The following PALLD variants were observed in gnomAD, a reference collection of about 807,000 sequenced individuals.
The protein encoded by PALLD is palladin, cytoskeletal associated protein, also known as palladin.
Under a neutral mutation model 123.5 loss-of-function variants are expected in PALLD, and 61 were observed. That is an observed-to-expected ratio of 0.49 (90% CI 0.40 to 0.61). PALLD has a LOEUF of 0.61. Ranked by LOEUF, PALLD falls within the 20% of genes least tolerant of loss-of-function variation. The pLI is 0.00. For missense variants in PALLD, 1,273 were observed against 1,377.0 expected (o/e 0.92, Z 1.20); for synonymous variants, 465 against 496.4 (o/e 0.94, Z 0.84).
chr4:168,638,067 A>G (rs1045751368), intron 2 of PALLD, among the ~76,000 whole-genome samples: 10 of 152,096 alleles, frequency 6.6e-5, no homozygotes, highest in African/African-American at 1.9e-4. Context: ...GTAAACCACA[A>G]GGTCACAGAT....
chr4:168,501,702 T>C (rs1001571834), intron 1 of PALLD, among the ~76,000 whole-genome samples: 2 of 152,160 alleles, frequency 1.3e-5, no homozygotes, highest in Non-Finnish European at 2.9e-5. Context: ...TGAGGTGACA[T>C]GGCAGCTGCC....
chr4:168,823,961 A>G (rs1212031515), intron 10 of PALLD, among the ~76,000 whole-genome samples: 1 of 152,254 alleles, frequency 6.6e-6, no homozygotes, highest in African/African-American at 2.4e-5. Context: ...CAAACAAGGG[A>G]ACAATGACAC....
At chr4:168,725,783 C>T (rs1351243332) in intron 10 of PALLD, among the ~76,000 whole-genome samples, 1 of 152,118 alleles carries the variant, frequency 6.6e-6, no homozygotes, top group East Asian at 1.9e-4. Context: ...GCCTCGGCCT[C>T]CCAAAGTGCT....
At chr4:168,803,862 G>A (rs1739738624) in intron 10 of PALLD, among the ~76,000 whole-genome samples, 1 of 152,174 alleles carries the variant, frequency 6.6e-6, no homozygotes, top group African/African-American at 2.4e-5. Context: ...GGTGTATGAA[G>A]TGTGTTGTCA....
intron 2 of PALLD, among the ~76,000 whole-genome samples, chr4:168,656,800 C>T (rs762482708): frequency 2.0e-5 from 3 of 152,230 alleles, no homozygotes; most frequent in Admixed American, 1.3e-4. Flanking sequence ...GTCAAGGATA[C>T]GTGAGAGATT....
chr4:168,622,991 G>A (rs1356991927), intron 2 of PALLD, among the ~76,000 whole-genome samples: 1 of 152,184 alleles, frequency 6.6e-6, no homozygotes, highest in East Asian at 1.9e-4. Flanking sequence ...ATTTTCATAG[G>A]AGAGTTAAGC....
At position 168,865,885 on chromosome 4, in the gene PALLD, G is replaced by A. The variant is rs908352290; in HGVS notation, c.1965-25037G>A. ...GAAAGACCGAGAATGATTTAGTGAA[G>A]GCCACACAGAAAATTGGTGGCACAG... is the stretch of plus-strand genomic sequence containing the variant. On this transcript the variant is annotated intron_variant, in intron 10 of 21. Transcript: ENST00000505667. Among the ~76,000 whole-genome samples, 15 of 152,094 alleles carry A rather than the reference G, an allele frequency of 9.9e-5. 1 individual carries two copies. The highest frequency in any genetic ancestry group is 9.8e-4 in the Admixed American group (15 of 15,266).
intron 10 of PALLD, among the ~76,000 whole-genome samples, chr4:168,750,199 A>AC (rs201290372): frequency 0.019 from 2,923 of 151,860 alleles, 92 homozygotes; most frequent in African/African-American, 0.064. Flanking sequence ...CACCCACCTC[A>AC]CCCTCCCAAA....
chr4:168,579,341 C>A (rs1162889524), intron 2 of PALLD, among the ~76,000 whole-genome samples: 2 of 152,160 alleles, frequency 1.3e-5, no homozygotes, highest in African/African-American at 4.8e-5. Flanking sequence ...CATGCCATAA[C>A]TAATCAATGA....
intron 14 of PALLD, among the ~76,000 whole-genome samples, chr4:168,900,048 A>G (rs1285961308): frequency 6.6e-6 from 1 of 152,224 alleles, no homozygotes; most frequent in Non-Finnish European, 1.5e-5. Context: ...GGCGAAGGCG[A>G]AAAAGGTGAA....
intron 2 of PALLD, among the ~76,000 whole-genome samples, chr4:168,581,381 G>T (rs574956939): frequency 3.3e-5 from 5 of 151,838 alleles, no homozygotes; most frequent in Non-Finnish European, 7.4e-5. Context: ...AGTGTACAAG[G>T]GTTTGCTTTT....
chr4:168,650,681 T>G (rs1777951190), intron 2 of PALLD, among the ~76,000 whole-genome samples: 1 of 152,188 alleles, frequency 6.6e-6, no homozygotes, highest in Non-Finnish European at 1.5e-5. Flanking sequence ...ATTCCCACAT[T>G]GGTTATAGCA....
Position 168,616,088 on chromosome 4 carries a change from GGTT to G in PALLD, c.909-52099_909-52097del, listed in dbSNP as rs1774199624. 2.6e-5 allele frequency among the ~76,000 whole-genome samples: 4 copies of G among 151,990 alleles called. No homozygotes were observed. In the South Asian group the frequency reaches 8.3e-4, roughly 32 times the overall value. ...TCCTTTTGGCCTTGAGTTTAAACTG[GGTT>G]GTATTCAAGGAGTCAACTTTAATTT... On this transcript the variant is annotated intron_variant, in intron 2 of 21. Transcript: ENST00000505667.
chr4:168,651,911 A>G (rs531382646), intron 2 of PALLD, among the ~76,000 whole-genome samples: 1 of 152,184 alleles, frequency 6.6e-6, no homozygotes, highest in Non-Finnish European at 1.5e-5. Flanking sequence ...ATTCTGTACA[A>G]CCAACTGAGG....
At chr4:168,631,732 G>T (rs1339564911) in intron 2 of PALLD, 22 of 985,396 alleles carry the variant, frequency 2.2e-5, no homozygotes, top group Non-Finnish European at 2.7e-5. Flanking sequence ...AGCAGGCAAG[G>T]GGCCGGCCTT....
rs1042813360 is a variant in PALLD, at chr4:168,592,422, C to T, written c.909-75768C>T. The stretch of plus-strand genomic sequence containing the variant: ...AACTCAGTTAACAGGAGAAAAACAA[C>T]AGTATTGTCATAAAAAGATGAGAAA... On this transcript the variant is annotated intron_variant, in intron 2 of 21. Coordinates refer to ENST00000505667, the MANE Select transcript of PALLD (RefSeq NM_001166108.2). Among the ~76,000 whole-genome samples the T allele has an allele frequency of 4.6e-5, 7 of 152,148 alleles. No individual in the cohort carries two copies. In the East Asian group the frequency reaches 1.4e-3, roughly 29 times the overall value.
At chr4:168,668,501 G>T in intron 3 of PALLD, 133 bp downstream of exon 3, 1 of 651,862 alleles carries the variant, frequency 1.5e-6, no homozygotes. Flanking sequence ...TCATTTCCCT[G>T]AAAACCTTTA....
intron 10 of PALLD, among the ~76,000 whole-genome samples, chr4:168,856,284 G>T (rs550835462): frequency 1.1e-4 from 17 of 152,296 alleles, no homozygotes; most frequent in Non-Finnish European, 1.6e-4. Flanking sequence ...TTGCTGTTGT[G>T]AACAGTGCTA....
intron 10 of PALLD, chr4:168,712,362 CTG>C (rs907563785): frequency 8.6e-6 from 2 of 231,994 alleles, no homozygotes; most frequent in African/African-American, 4.6e-5. Flanking sequence ...AGACTAAAAA[CTG>C]AGGCTGGAAA....
Sources: allele counts gnomAD v4.1 joint callset (sites outside exome capture counted in the v4.1 genomes callset), GRCh38; gene constraint gnomAD v4.1.1; transcripts MANE v1.5; gene names NCBI Gene and HGNC (gene_info 2026-07-23, HGNC 2026-07-21).